CWC22: variants seen among roughly 807,000 people sequenced by gnomAD.
CWC22 encodes the protein CWC22 spliceosome associated protein.
In CWC22, 53 loss-of-function variants were observed where a neutral mutation model predicts 117.2. That is an observed-to-expected ratio of 0.45 (90% CI 0.36 to 0.57). The LOEUF is 0.57. Ranked by LOEUF, CWC22 falls within the 20% of genes least tolerant of loss-of-function variation. CWC22 has a pLI of 0.00. For synonymous variants in CWC22, 360 were observed against 355.6 expected (o/e 1.01, Z -0.14); for missense variants, 980 against 1,068.8 (o/e 0.92, Z 1.16).
chr2:179,988,524 T>C, intron 3 of CWC22, 53 bp downstream of exon 3: 1 of 949,552 alleles, frequency 1.1e-6, no homozygotes, highest in Non-Finnish European at 1.6e-6. Flanking sequence ...AATTATTACA[T>C]AAACCTTACT....
At chr2:180,004,893 C>T (rs262277) in intron 1 of CWC22, among the ~76,000 whole-genome samples, 1,633 of 152,138 alleles carry the variant, frequency 0.011, 31 homozygotes, top group African/African-American at 0.037. Context: ...CATCCAAGTA[C>T]TTTGGAGCAA....
At chr2:179,977,431 T>C (rs1052971907) in intron 6 of CWC22, among the ~76,000 whole-genome samples, 2 of 152,192 alleles carry the variant, frequency 1.3e-5, no homozygotes, top group African/African-American at 2.4e-5. Context: ...ACAGGTGAAC[T>C]TGGAGAACAT....
At chr2:179,961,784 A>G (rs554100014) in intron 13 of CWC22, among the ~76,000 whole-genome samples, 34 of 152,054 alleles carry the variant, frequency 2.2e-4, no homozygotes, top group African/African-American at 8.2e-4. Context: ...CTACACCAAG[A>G]CAGTTTTTAG....
Position 179,970,403 on chromosome 2 carries a change from T to C in CWC22, c.1210+98A>G. 3 of 1,178,938 alleles carry C rather than the reference T, an allele frequency of 2.5e-6. No individual in the cohort carries two copies. The South Asian group carries it at 4.9e-5, about 19-fold the overall frequency. 73.0% of individuals were successfully genotyped at this position (1,178,938 alleles called of 1,614,324 possible). Reference sequence around the variant, plus strand: ...ATAACTTTATAAGAGCAGCGATTCATTAGGTGGGGATCTCTAAATATTTGC... The same window carrying C: ...ATAACTTTATAAGAGCAGCGATTCACTAGGTGGGGATCTCTAAATATTTGC... On this transcript the variant is annotated intron_variant, in intron 11 of 19. Transcript: ENST00000410053.
chr2:179,984,209 A>T (rs1687357310), intron 4 of CWC22, among the ~76,000 whole-genome samples: 1 of 152,142 alleles, frequency 6.6e-6, no homozygotes, highest in Non-Finnish European at 1.5e-5. Flanking sequence ...CAGTTTCAAC[A>T]TCTACCAGAT....
intron 4 of CWC22, among the ~76,000 whole-genome samples, chr2:179,985,536 A>C (rs1043563470): frequency 2.6e-5 from 4 of 151,968 alleles, no homozygotes; most frequent in African/African-American, 9.7e-5. Flanking sequence ...GAAGTTTTAA[A>C]GGGAATTATT....
chr2:179,977,630 C>T (rs566050018), intron 6 of CWC22, among the ~76,000 whole-genome samples: 10 of 152,104 alleles, frequency 6.6e-5, no homozygotes, highest in African/African-American at 2.4e-4. Flanking sequence ...GGAATAAGTT[C>T]CAGAGATCCA....
intron 1 of CWC22, among the ~76,000 whole-genome samples, chr2:180,000,211 A>G (rs1438026868): frequency 6.6e-6 from 1 of 152,224 alleles, no homozygotes; most frequent in African/African-American, 2.4e-5. Flanking sequence ...ATTTGATGTC[A>G]GCATAGAATC....
At chr2:179,991,556 T>C (rs1485446697) in intron 2 of CWC22, among the ~76,000 whole-genome samples, 1 of 152,078 alleles carries the variant, frequency 6.6e-6, no homozygotes, top group Non-Finnish European at 1.5e-5. Flanking sequence ...AGGAGACCCA[T>C]CTGGGCCACA....
At chr2:179,978,118 T>C in intron 6 of CWC22, 72 bp downstream of exon 6, 1 of 1,320,896 alleles carries the variant, frequency 7.6e-7, no homozygotes, top group Non-Finnish European at 9.8e-7. Context: ...TCAATGATTA[T>C]TGTTCATGTA....
chr2:179,987,800 T>C (rs1687458478), intron 3 of CWC22, among the ~76,000 whole-genome samples: 1 of 152,230 alleles, frequency 6.6e-6, no homozygotes, highest in Non-Finnish European at 1.5e-5. Flanking sequence ...ATTGTAGTGC[T>C]AATATGAATT....
intron 4 of CWC22, among the ~76,000 whole-genome samples, chr2:179,984,030 C>T (rs1225989641): frequency 6.6e-6 from 1 of 152,008 alleles, no homozygotes; most frequent in Admixed American, 6.6e-5. Context: ...GGACTGTTAG[C>T]CTTTATGTTC....
chr2:179,967,481 ATC>A (rs1686921640), intron 11 of CWC22, among the ~76,000 whole-genome samples: 1 of 152,174 alleles, frequency 6.6e-6, no homozygotes, highest in African/African-American at 2.4e-5. Context: ...CCAAGACAGT[ATC>A]TGCCCTTTCA....
chr2:179,989,274 T>C (rs1308742738), intron 2 of CWC22, among the ~76,000 whole-genome samples: 1 of 151,338 alleles, frequency 6.6e-6, no homozygotes, highest in Non-Finnish European at 1.5e-5. Context: ...TTATTATTTT[T>C]TGAGACAGGG....
intron 13 of CWC22, among the ~76,000 whole-genome samples, chr2:179,961,805 T>C (rs1460104603): frequency 6.6e-6 from 1 of 152,114 alleles, no homozygotes; most frequent in East Asian, 1.9e-4. Context: ...GTTGTACTAA[T>C]TATAAATATT....
In CWC22 at chr2:179,981,853, T is replaced by C; in HGVS notation, c.351A>G (p.Lys117=). The change falls in exon 5 of 20, where the codon AAA becomes AAG. Residue 117 remains lysine, a synonymous_variant. Coordinates refer to ENST00000410053, the MANE Select transcript of CWC22 (RefSeq NM_020943.3). ...GAAGAGGATCCAGCTCATCTTTCTTTTTCTTTGTAGCAGGTTCATCCTGAG... is the reference window on the plus strand; with the variant it reads ...GAAGAGGATCCAGCTCATCTTTCTTCTTCTTTGTAGCAGGTTCATCCTGAG... The part of the protein sequence containing the change: ...SSAQDEPATK[K]KKDELDPLLT... 6.2e-7 allele frequency: 1 copy of C among 1,613,820 alleles called. No homozygotes were observed. Among genetic ancestry groups the C allele is most frequent in the Non-Finnish European group, 8.5e-7 (1 of 1,179,812 alleles).
chr2:179,968,599 G>A lies in CWC22; in HGVS notation c.1210+1902C>T, dbSNP rs566472143. Reference sequence around the variant, plus strand: ...CTTTTTTTTTTTGAGACGGAGTCTCGCTCTGTCGCCCAGGCTGGAGTGCAG... The same window carrying A: ...CTTTTTTTTTTTGAGACGGAGTCTCACTCTGTCGCCCAGGCTGGAGTGCAG... On this transcript the variant is annotated intron_variant, in intron 11 of 19. Transcript: ENST00000410053. Among the ~76,000 whole-genome samples, 28 of 150,424 alleles carry A rather than the reference G, an allele frequency of 1.9e-4. No individual in the cohort carries two copies. In the South Asian group the frequency reaches 5.4e-3, roughly 29 times the overall value.
intron 1 of CWC22, among the ~76,000 whole-genome samples, chr2:180,003,288 T>C (rs1204545094): frequency 6.6e-6 from 1 of 152,188 alleles, no homozygotes; most frequent in Admixed American, 6.5e-5. Context: ...AAATACTAGT[T>C]CCTTTGCAGG....
chr2:179,993,402 A>G lies in CWC22; in HGVS notation c.-61T>C. On this transcript the variant is annotated 5_prime_UTR_variant, in exon 2 of 20. Coordinates refer to ENST00000410053, the MANE Select transcript of CWC22 (RefSeq NM_020943.3). ...CTTCAAACTGGTCCAAATAACAAGT[A>G]CCCAATGCTCTGAATTCCTTGACAG... 2.5e-6 allele frequency: 3 copies of G among 1,196,686 alleles called. No homozygotes were observed. Among genetic ancestry groups the G allele is most frequent in the Non-Finnish European group, 3.6e-6 (3 of 823,078 alleles). The allele number at this position is 1,196,686 out of a possible 1,614,324, so 74.1% of individuals were successfully genotyped here.
Sources: allele counts gnomAD v4.1 joint callset (sites outside exome capture counted in the v4.1 genomes callset), GRCh38; gene constraint gnomAD v4.1.1; transcripts MANE v1.5; gene names NCBI Gene and HGNC (gene_info 2026-07-23, HGNC 2026-07-21).